The following CCBE1 variants were observed in gnomAD, a reference collection of about 807,000 sequenced individuals.
CCBE1 encodes the protein collagen and calcium-binding EGF domain-containing protein 1.
A neutral mutation model predicts 50.0 loss-of-function variants in CCBE1; 37 were observed. That is an observed-to-expected ratio of 0.74 (90% CI 0.57 to 0.97). The LOEUF is 0.97. CCBE1 is among the 50% of genes least tolerant of loss of function. CCBE1 has a pLI of 0.00. For missense variants in CCBE1, 538 were observed against 523.8 expected, an observed-to-expected ratio of 1.03 and a Z score of -0.26; for synonymous variants, 234 against 203.7, an observed-to-expected ratio of 1.15 and a Z score of -1.27.
At chr18:59,569,806 G>A (rs1309750107) in intron 2 of CCBE1, among the ~76,000 whole-genome samples, 2 of 152,082 alleles carry the variant, frequency 1.3e-5, no homozygotes, top group Non-Finnish European at 2.9e-5. Flanking sequence ...AGCTAATTTT[G>A]TTTTTGTAGA....
At chr18:59,530,586 TGATAA>T (rs1269199438) in intron 2 of CCBE1, among the ~76,000 whole-genome samples, 1 of 152,188 alleles carries the variant, frequency 6.6e-6, no homozygotes, top group African/African-American at 2.4e-5. Context: ...TCCTGTACAC[TGATAA>T]GATATCTGCT....
At chr18:59,585,389 C>A (rs139319921) in intron 2 of CCBE1, among the ~76,000 whole-genome samples, 2 of 152,102 alleles carry the variant, frequency 1.3e-5, no homozygotes, top group African/African-American at 4.8e-5. Context: ...TATTATCTGC[C>A]TCTCCACCAA....
chr18:59,463,443 C>T (rs1438784297), intron 5 of CCBE1, among the ~76,000 whole-genome samples: 1 of 152,228 alleles, frequency 6.6e-6, no homozygotes, highest in Admixed American at 6.5e-5. Flanking sequence ...CACCACACAG[C>T]AGGGCCATAC....
At chr18:59,507,443 C>T (rs1333415183) in intron 2 of CCBE1, among the ~76,000 whole-genome samples, 1 of 152,252 alleles carries the variant, frequency 6.6e-6, no homozygotes, top group Non-Finnish European at 1.5e-5. Context: ...ATATGACCTT[C>T]CTCATGCCAT....
At chr18:59,457,895 T>C (rs1405304816) in intron 5 of CCBE1, among the ~76,000 whole-genome samples, 9 of 152,240 alleles carry the variant, frequency 5.9e-5, no homozygotes, top group African/African-American at 2.2e-4. Flanking sequence ...CAAATTTCCA[T>C]GCAATAATAT....
intron 2 of CCBE1, among the ~76,000 whole-genome samples, chr18:59,591,646 C>G (rs541115746): frequency 6.6e-6 from 1 of 152,072 alleles, no homozygotes; most frequent in Admixed American, 6.6e-5. Context: ...TGAAAGAGCT[C>G]GAAAACACTC....
At chr18:59,523,865 T>C (rs758875754) in intron 2 of CCBE1, among the ~76,000 whole-genome samples, 2 of 152,160 alleles carry the variant, frequency 1.3e-5, no homozygotes, top group Admixed American at 6.5e-5. Flanking sequence ...GCCTTCTGCA[T>C]TGGTGATGTG....
At chr18:59,522,715 C>T (rs947674120) in intron 2 of CCBE1, among the ~76,000 whole-genome samples, 2 of 152,074 alleles carry the variant, frequency 1.3e-5, no homozygotes, top group African/African-American at 2.4e-5. Flanking sequence ...CTTGGCCGGG[C>T]GCAGTGGCTC....
At chr18:59,682,690 AT>A (rs1449201654) in intron 2 of CCBE1, among the ~76,000 whole-genome samples, 1 of 152,190 alleles carries the variant, frequency 6.6e-6, no homozygotes, top group Non-Finnish European at 1.5e-5. Context: ...GAATAAACCC[AT>A]TTCTGTAAGT....
At chr18:59,484,809 T>C (rs539751607) in intron 2 of CCBE1, among the ~76,000 whole-genome samples, 1 of 152,318 alleles carries the variant, frequency 6.6e-6, no homozygotes, top group East Asian at 1.9e-4. Flanking sequence ...TACATTATTT[T>C]GCATGTGAAA....
At chr18:59,631,133 C>A (rs1169677774) in intron 2 of CCBE1, among the ~76,000 whole-genome samples, 1 of 152,106 alleles carries the variant, frequency 6.6e-6, no homozygotes, top group African/African-American at 2.4e-5. Context: ...AACTTACTTG[C>A]CCACTCTCAG....
chr18:59,595,114 C>CAAAAAAAAAAAAAAAAAA lies in CCBE1; in HGVS notation c.212+101497_212+101514dup, dbSNP rs546035209. On this transcript the variant is annotated intron_variant, in intron 2 of 10. Transcript: ENST00000439986. ...CTGGCAACAGAGCGAGACTCTGTCT[C>CAAAAAAAAAAAAAAAAAA]AAAAAAAAAAAAAAAAAAATCCATT... is the stretch of plus-strand genomic sequence containing the variant. 2.2e-4 allele frequency among the ~76,000 whole-genome samples: 16 copies of CAAAAAAAAAAAAAAAAAA among 73,574 alleles called. 1 individual carries two copies. Among genetic ancestry groups the CAAAAAAAAAAAAAAAAAA allele is most frequent in the African/African-American group, 6.7e-4 (15 of 22,492 alleles). The allele number at this position is 73,574 out of a possible 152,430, so 48.3% of individuals were successfully genotyped here. A position where few individuals can be genotyped will look rare whatever the true frequency, so the allele number is the denominator to read the frequency against.
At chr18:59,483,573 C>T (rs1295327700) in intron 2 of CCBE1, among the ~76,000 whole-genome samples, 1 of 152,162 alleles carries the variant, frequency 6.6e-6, no homozygotes, top group African/African-American at 2.4e-5. Context: ...TAAGTAATCT[C>T]CTCCTGAAAC....
At chr18:59,539,836 C>G (rs1346194001) in intron 2 of CCBE1, among the ~76,000 whole-genome samples, 1 of 152,180 alleles carries the variant, frequency 6.6e-6, no homozygotes, top group Non-Finnish European at 1.5e-5. Context: ...TTTTTCCAGA[C>G]TAATATTTTT....
At chr18:59,487,671 G>GT (rs1912887931) in intron 2 of CCBE1, among the ~76,000 whole-genome samples, 1 of 152,124 alleles carries the variant, frequency 6.6e-6, no homozygotes, top group African/African-American at 2.4e-5. Flanking sequence ...ATGTAAGCTT[G>GT]TTATTACCAA....
At chr18:59,490,764 T>A (rs987843792) in intron 2 of CCBE1, among the ~76,000 whole-genome samples, 2 of 152,254 alleles carry the variant, frequency 1.3e-5, no homozygotes, top group Admixed American at 6.5e-5. Flanking sequence ...GAAACCATAG[T>A]ATCATTTAGT....
At position 59,598,001 on chromosome 18, in the gene CCBE1, AAG is replaced by A. The variant is rs199821396; in HGVS notation, c.212+98626_212+98627del. ...CAAGGGAATGGGGAGGGAGAGAAGA[AAG>A]AAAGGAAACTAGAGACAGAAAAGAG... On this transcript the variant is annotated intron_variant, in intron 2 of 10. Coordinates refer to ENST00000439986, the MANE Select transcript of CCBE1 (RefSeq NM_133459.4). Among the ~76,000 whole-genome samples, 337 of 152,348 alleles carry A rather than the reference AAG, an allele frequency of 2.2e-3. 6 individuals are homozygous for A. In the East Asian group the frequency reaches 0.032, roughly 14 times the overall value.
chr18:59,686,134 C>T (rs1236997098), intron 2 of CCBE1: 1 of 152,184 alleles, frequency 6.6e-6, no homozygotes, highest in Non-Finnish European at 1.5e-5. Context: ...ACATTGTGGA[C>T]AGTGATATCC....
chr18:59,525,684 G>A (rs561825642), intron 2 of CCBE1, among the ~76,000 whole-genome samples: 21 of 152,256 alleles, frequency 1.4e-4, no homozygotes, highest in African/African-American at 5.1e-4. Flanking sequence ...TGTCCTGAAT[G>A]GTATTGCTTT....
Sources: allele counts gnomAD v4.1 joint callset (sites outside exome capture counted in the v4.1 genomes callset), GRCh38; gene constraint gnomAD v4.1.1; transcripts MANE v1.5; gene names NCBI Gene and HGNC (gene_info 2026-07-23, HGNC 2026-07-21).